The following STPG3 variants were observed in gnomAD, a reference collection of about 807,000 sequenced individuals.
STPG3 encodes the protein protein STPG3.
Under a neutral mutation model 32.5 loss-of-function variants are expected in STPG3, and 39 were observed. The observed-to-expected ratio is 1.20, with a 90% CI of 0.93 to 1.57. The LOEUF (loss-of-function observed/expected upper bound fraction) is 1.57. STPG3 is among the 40% of genes most tolerant of loss of function. STPG3 has a pLI of 0.00. For synonymous variants in STPG3, 209 were observed against 172.4 expected, an observed-to-expected ratio of 1.21 and a Z score of -1.66; for missense variants, 507 against 407.6, an observed-to-expected ratio of 1.24 and a Z score of -2.10.
In STPG3 at chr9:137,251,785, G is replaced by A; in HGVS notation, c.158G>A (p.Trp53Ter). The A allele has an allele frequency of 6.3e-7, 1 of 1,592,834 alleles. No homozygotes were observed. Among genetic ancestry groups the A allele is most frequent in the African/African-American group, 1.3e-5 (1 of 74,532 alleles). The part of the protein sequence containing the change: ...LLLGPEPGMA[W>*]DETQPPKMKE... ...TTGGGCCCGGAGCCGGGGATGGCCTGGGATGAGACACAGCCCCCAAAGATG... is the reference window on the plus strand; with the variant it reads ...TTGGGCCCGGAGCCGGGGATGGCCTAGGATGAGACACAGCCCCCAAAGATG... The change falls in exon 2 of 6, where the codon TGG becomes TAG. Residue 53 changes from tryptophan to a stop codon, truncating the protein, a stop_gained. Coordinates refer to ENST00000412566, the MANE Select transcript of STPG3 (RefSeq NM_001004353.4). LOFTEE classifies it high-confidence loss of function.
At chr9:137,252,232 G>A in intron 3 of STPG3, 97 bp downstream of exon 3, 1 of 1,495,210 alleles carries the variant, frequency 6.7e-7, no homozygotes, top group Non-Finnish European at 9.0e-7. Context: ...CGGCCTGAGG[G>A]CCCCTCCACC....
chr9:137,251,481 G>A lies in STPG3; in HGVS notation c.110+85G>A. On this transcript the variant is annotated intron_variant, in intron 1 of 5. Transcript: ENST00000412566. ...GACAGTGTGGGGGGCAGGTTGCTGGGCAGGCGGCTGGGGGACTGAGGGACA... is the reference window on the plus strand; with the variant it reads ...GACAGTGTGGGGGGCAGGTTGCTGGACAGGCGGCTGGGGGACTGAGGGACA... The A allele has an allele frequency of 3.4e-6, 4 of 1,165,156 alleles. No individual in the cohort carries two copies. The South Asian group carries it at 5.5e-5, about 16-fold the overall frequency. The allele number at this position is 1,165,156 out of a possible 1,614,324, so 72.2% of individuals were successfully genotyped here.
chr9:137,251,896 G>A lies in STPG3; in HGVS notation c.268+1G>A, dbSNP rs764972187. 15 of 1,605,880 alleles carry A rather than the reference G, an allele frequency of 9.3e-6. No homozygotes were observed. The African/African-American group carries it at 1.6e-4, about 17-fold the overall frequency. On this transcript the variant is annotated splice_donor_variant, in intron 2 of 5. Coordinates refer to ENST00000412566, the MANE Select transcript of STPG3 (RefSeq NM_001004353.4). LOFTEE classifies it high-confidence loss of function. ...TACACCCAGACCCTGAGGGAACTAT[G>A]TGAGTGAGGGTCCTGGCCACCCCAC...
intron 1 of STPG3, 97 bp from the exon 2 acceptor site, chr9:137,251,641 C>T: frequency 9.1e-6 from 13 of 1,436,084 alleles, no homozygotes; most frequent in Non-Finnish European, 1.2e-5. Context: ...TGGCTGGGAG[C>T]AGCCGGGGGC....
In STPG3 at chr9:137,253,317, C is replaced by A; in HGVS notation, c.*72C>A. Reference sequence around the variant, plus strand: ...TGGCCTCCCCCGGGGCTTTCCCAGGCCTCCCCTGGGACTTGGGGCCCCAGC... The same window carrying A: ...TGGCCTCCCCCGGGGCTTTCCCAGGACTCCCCTGGGACTTGGGGCCCCAGC... On this transcript the variant is annotated 3_prime_UTR_variant, in exon 6 of 6. Transcript: ENST00000412566. 6.4e-7 allele frequency: 1 copy of A among 1,554,518 alleles called. No individual in the cohort carries two copies.
chr9:137,252,912 CGCCG>C lies in STPG3; in HGVS notation c.747_750del (p.Ala250SerfsTer3), dbSNP rs1564438750. The C allele has an allele frequency of 5.0e-6, 8 of 1,599,012 alleles. No homozygotes were observed. Among genetic ancestry groups the C allele is most frequent in the Non-Finnish European group, 6.8e-6 (8 of 1,173,454 alleles). The stretch of plus-strand genomic sequence containing the variant: ...GGGAGCCGCCTGCAGAGCCCCCGCT[CGCCG>C]GCCTTCTCGATGAGCCGCTCCCCTG... On this transcript the variant is annotated frameshift_variant, in exon 5 of 6. Coordinates refer to ENST00000412566, the MANE Select transcript of STPG3 (RefSeq NM_001004353.4). LOFTEE classifies it high-confidence loss of function.
At position 137,252,066 on chromosome 9, in the gene STPG3, C is replaced by G; in HGVS notation, c.334C>G (p.Pro112Ala). The change falls in exon 3 of 6, where the codon CCG becomes GCG. Residue 112 changes from proline (P) to alanine (A), a missense_variant. Coordinates refer to ENST00000412566, the MANE Select transcript of STPG3 (RefSeq NM_001004353.4). ...EVPSPTRYQV[P>A]SPSVRESSPH... ...CCCCAGCCCCACCAGGTACCAGGTG[C>G]CGAGCCCGTCCGTACGAGAGTCCTC... The G allele has an allele frequency of 1.2e-6, 2 of 1,612,996 alleles. No individual in the cohort carries two copies. Among genetic ancestry groups the G allele is most frequent in the Non-Finnish European group, 1.7e-6 (2 of 1,179,750 alleles).
In STPG3 at chr9:137,251,393, C is replaced by T. The variant is rs776683854; in HGVS notation, c.107C>T (p.Thr36Ile). Reference protein sequence around the residue: ...GHLRQTQPEPTQPKASVLLLG... With the variant: ...GHLRQTQPEPIQPKASVLLLG... ...CTGAGGCAGACACAACCAGAGCCCACCCAGTAACTGGCGGAGAGGGGGAGA... is the reference window on the plus strand; with the variant it reads ...CTGAGGCAGACACAACCAGAGCCCATCCAGTAACTGGCGGAGAGGGGGAGA... The change falls in exon 1 of 6, where the codon ACC becomes ATC. Residue 36 changes from threonine to isoleucine, a missense_variant. Thr to Ile is a moderately conservative substitution (Grantham distance 89). Coordinates refer to ENST00000412566, the MANE Select transcript of STPG3 (RefSeq NM_001004353.4). The T allele has an allele frequency of 6.2e-6, 10 of 1,609,164 alleles. No homozygotes were observed. In the South Asian group the frequency reaches 7.7e-5, roughly 12 times the overall value.
rs779956887 is a variant in STPG3 at position 137,252,713 on chromosome 9, T to G, written c.544T>G (p.Phe182Val). The change falls in exon 5 of 6, where the codon TTC (phenylalanine) becomes GTC (valine). Residue 182 changes from phenylalanine to valine, a missense_variant. Physicochemically the swap from Phe to Val is conservative, Grantham distance 50. Coordinates refer to ENST00000412566, the MANE Select transcript of STPG3 (RefSeq NM_001004353.4). ...QLLSRPAFPA[F>V]SFRGCHSASK... The stretch of plus-strand genomic sequence containing the variant: ...GCTCAGCCGGCCCGCCTTCCCCGCC[T>G]TCAGCTTCAGAGGCTGCCACTCCGC... 2 of 1,553,516 alleles carry G rather than the reference T, an allele frequency of 1.3e-6. No individual in the cohort carries two copies. The highest frequency in any genetic ancestry group is 2.4e-5 in the South Asian group (2 of 84,362).
Position 137,252,077 on chromosome 9 carries a change from C to T in STPG3, c.345C>T (p.Ser115=), listed in dbSNP as rs374788223. ...SPTRYQVPSP[S]VRESSPHPHY... Reference sequence around the variant, plus strand: ...CCAGGTACCAGGTGCCGAGCCCGTCCGTACGAGAGTCCTCCCCACACCCCC... The same window carrying T: ...CCAGGTACCAGGTGCCGAGCCCGTCTGTACGAGAGTCCTCCCCACACCCCC... The change falls in exon 3 of 6, where the codon TCC becomes TCT. Residue 115 remains serine (S), a synonymous_variant. Coordinates refer to ENST00000412566, the MANE Select transcript of STPG3 (RefSeq NM_001004353.4). 2.5e-4 allele frequency: 406 copies of T among 1,612,696 alleles called. No homozygotes were observed. The highest frequency in any genetic ancestry group is 3.2e-4 in the Non-Finnish European group (382 of 1,179,624).
rs1432905472 is a variant in STPG3, at chr9:137,252,766, C to T, written c.597C>T (p.His199=). 1 of 1,561,258 alleles carries T rather than the reference C, an allele frequency of 6.4e-7. No individual in the cohort carries two copies. The highest frequency in any genetic ancestry group is 1.2e-5 in the South Asian group (1 of 84,898). The change falls in exon 5 of 6, where the codon CAC becomes CAT. Residue 199 remains histidine (H), a synonymous_variant. Transcript: ENST00000412566. The part of the protein sequence containing the change: ...SASKTPEGHT[H]LGLPGARGLG... ...CCAAGACACCTGAAGGCCACACCCACCTAGGGCTGCCTGGGGCTAGGGGGC... is the reference window on the plus strand; with the variant it reads ...CCAAGACACCTGAAGGCCACACCCATCTAGGGCTGCCTGGGGCTAGGGGGC...
Position 137,253,099 on chromosome 9 carries a change from C to T in STPG3, c.797-16C>T, listed in dbSNP as rs1055534587. 2 of 1,549,650 alleles carry T rather than the reference C, an allele frequency of 1.3e-6. No homozygotes were observed. The highest frequency in any genetic ancestry group is 3.8e-5 in the Admixed American group (2 of 53,298). ...GCTGCTACCTGGGTGGGGCTCCCAGCCTTCTCTTTCGGCAGCCCGAACCCC... is the reference window on the plus strand; with the variant it reads ...GCTGCTACCTGGGTGGGGCTCCCAGTCTTCTCTTTCGGCAGCCCGAACCCC... On this transcript the variant is annotated splice_polypyrimidine_tract_variant and intron_variant, in intron 5 of 5. Coordinates refer to ENST00000412566, the MANE Select transcript of STPG3 (RefSeq NM_001004353.4).
Position 137,252,809 on chromosome 9 carries a change from C to T in STPG3, c.640C>T (p.Pro214Ser). The change falls in exon 5 of 6, where the codon CCC becomes TCC. Residue 214 changes from proline (P) to serine (S), a missense_variant. Transcript: ENST00000412566. ...TAGGGGGCTGGGCCTCAGGGTGCAG[C>T]CCCAGTCCCTGCTTCAGGCCTCTTT... ...GARGLGLRVQ[P>S]QSLLQASLQA... 6.4e-7 allele frequency: 1 copy of T among 1,565,904 alleles called. No individual in the cohort carries two copies. Among genetic ancestry groups the T allele is most frequent in the Non-Finnish European group, 8.7e-7 (1 of 1,155,892 alleles).
chr9:137,251,546 C>G, intron 1 of STPG3, 150 bp downstream of exon 1: 1 of 964,922 alleles, frequency 1.0e-6, no homozygotes, highest in East Asian at 2.6e-5. Flanking sequence ...TGGGAGCGGC[C>G]AGGGGCTGAG....
Position 137,251,987 on chromosome 9 carries a change from C to A in STPG3, c.269-14C>A. The A allele has an allele frequency of 6.2e-7, 1 of 1,607,722 alleles. No individual in the cohort carries two copies. Among genetic ancestry groups the A allele is most frequent in the African/African-American group, 1.3e-5 (1 of 74,824 alleles). ...GAAAGGAGCCCAGGCCCAGAGCTTGCTTCCTGTGGCCAGTGCTGGAGCAAC... is the reference window on the plus strand; with the variant it reads ...GAAAGGAGCCCAGGCCCAGAGCTTGATTCCTGTGGCCAGTGCTGGAGCAAC... On this transcript the variant is annotated splice_polypyrimidine_tract_variant and intron_variant, in intron 2 of 5. Coordinates refer to ENST00000412566, the MANE Select transcript of STPG3 (RefSeq NM_001004353.4).
Position 137,252,470 on chromosome 9 carries a change from G to A in STPG3, c.437G>A (p.Trp146Ter), listed in dbSNP as rs775217713. 10 of 1,611,208 alleles carry A rather than the reference G, an allele frequency of 6.2e-6. No homozygotes were observed. The South Asian group carries it at 1.0e-4, about 16-fold the overall frequency. ...GGGRRAWQTL[W>*]FQSESPFTQK... is the part of the protein sequence containing the mutation. ...GGCCGCAGGGCATGGCAGACTTTGT[G>A]GTTCCAGAGCGAAAGCCCCTTCACG... Residue 146 changes from tryptophan (W) to a stop codon, truncating the protein, a stop_gained, in exon 4 of 6, where the codon TGG (tryptophan) becomes TAG (stop). Transcript: ENST00000412566. LOFTEE classifies it high-confidence loss of function.
chr9:137,252,543 A>C lies in STPG3; in HGVS notation c.492+18A>C, dbSNP rs1837395232. 1 of 1,274,656 alleles carries C rather than the reference A, an allele frequency of 7.8e-7. No individual in the cohort carries two copies. The highest frequency in any genetic ancestry group is 2.3e-5 in the Admixed American group (1 of 43,010). 79.0% of individuals were successfully genotyped at this position (1,274,656 alleles called of 1,614,324 possible). ...AGCAAAAGGTTGGGGGCTGGGCAGG[A>C]AGGGGGCGGGGAGTCCACGCAGGCA... On this transcript the variant is annotated intron_variant, in intron 4 of 5. Transcript: ENST00000412566.
chr9:137,252,510 C>A lies in STPG3; in HGVS notation c.477C>A (p.Phe159Leu), dbSNP rs1407378890. 1.2e-6 allele frequency: 2 copies of A among 1,601,682 alleles called. No individual in the cohort carries two copies. The highest frequency in any genetic ancestry group is 2.7e-5 in the African/African-American group (2 of 73,454). ...GCCCCTTCACGCAGAAAGCTGACTT[C>A]GACCAAGAGCAAAAGGTTGGGGGCT... ...SESPFTQKAD[F>L]DQEQKWPSPA... Residue 159 changes from phenylalanine to leucine, a missense_variant, in exon 4 of 6, where the codon TTC (phenylalanine) becomes TTA (leucine). Transcript: ENST00000412566.
chr9:137,253,297 T>A lies in STPG3; in HGVS notation c.*52T>A, dbSNP rs1187944916. The A allele has an allele frequency of 4.5e-6, 7 of 1,567,502 alleles. No individual in the cohort carries two copies. In the Admixed American group the frequency reaches 5.7e-5, roughly 13 times the overall value. On this transcript the variant is annotated 3_prime_UTR_variant, in exon 6 of 6. Coordinates refer to ENST00000412566, the MANE Select transcript of STPG3 (RefSeq NM_001004353.4). ...CCGGCCACCGAGTGGAACCATGGCC[T>A]CCCCCGGGGCTTTCCCAGGCCTCCC...
Sources: allele counts gnomAD v4.1 joint callset, GRCh38; gene constraint gnomAD v4.1.1; transcripts MANE v1.5; gene names NCBI Gene and HGNC (gene_info 2026-07-23, HGNC 2026-07-21).